The following TPO variants were observed in gnomAD, a reference collection of about 807,000 sequenced individuals.
TPO encodes thyroid peroxidase.
Under a neutral mutation model 96.9 loss-of-function variants are expected in TPO, and 78 were observed. That is an observed-to-expected ratio of 0.81 (90% CI 0.67 to 0.97). The LOEUF (loss-of-function observed/expected upper bound fraction) is 0.97. TPO is among the 50% of genes least tolerant of loss of function. TPO has a pLI of 0.00. For synonymous variants in TPO, 547 were observed against 538.0 expected (o/e 1.02, Z -0.23); for missense variants, 1,252 against 1,274.8 (o/e 0.98, Z 0.27).
At chr2:1,532,579 A>T (rs1573616488) in intron 15 of TPO, among the ~76,000 whole-genome samples, 1 of 90,298 alleles carries the variant, frequency 1.1e-5, no homozygotes, top group Non-Finnish European at 2.1e-5. Context: ...ACTGTGTGCG[A>T]CCTCCCCAAA....
intron 2 of TPO, 80 bp from the exon 3 acceptor site, chr2:1,422,965 G>T: frequency 1.3e-6 from 2 of 1,503,162 alleles, no homozygotes; most frequent in South Asian, 2.3e-5. Context: ...CAGCAAGATG[G>T]GCTTGAGGAA....
chr2:1,382,658 A>G (rs141457113), intron 1 of TPO, among the ~76,000 whole-genome samples: 160 of 152,314 alleles, frequency 1.1e-3, no homozygotes, highest in African/African-American at 3.7e-3. Flanking sequence ...GATTGTCACA[A>G]CCAGGAATTC....
chr2:1,399,050 T>C (rs1452628614), intron 1 of TPO, among the ~76,000 whole-genome samples: 1 of 152,220 alleles, frequency 6.6e-6, no homozygotes, highest in Non-Finnish European at 1.5e-5. Context: ...CTCTTCTGTT[T>C]CTTGGAGACC....
At chr2:1,388,857 C>T (rs4261760) in intron 1 of TPO, among the ~76,000 whole-genome samples, 7,677 of 152,148 alleles carry the variant, frequency 0.05, 264 homozygotes, top group Non-Finnish European at 0.072. Context: ...TGGAACTGCC[C>T]GACGTTAATC....
At chr2:1,456,379 C>T (rs528905843) in intron 7 of TPO, 97 bp downstream of exon 7, 1 of 1,325,628 alleles carries the variant, frequency 7.5e-7, no homozygotes, top group East Asian at 2.5e-5. Context: ...AAGTCTGTTT[C>T]TTTGTCCTAT....
At chr2:1,542,338 C>CCTTCTGTCTTGTAT in intron 16 of TPO, 83 bp from the exon 17 acceptor site, 1 of 1,566,392 alleles carries the variant, frequency 6.4e-7, no homozygotes, top group Non-Finnish European at 8.7e-7. Context: ...CTGTCCAGGC[C>CCTTCTGTCTTGTAT]CTTCTGTCTT....
chr2:1,477,147 C>A lies in TPO; in HGVS notation c.881C>A (p.Ala294Asp). 1.2e-6 allele frequency: 2 copies of A among 1,610,348 alleles called. No individual in the cohort carries two copies. The highest frequency in any genetic ancestry group is 1.1e-5 in the South Asian group (1 of 90,510). Residue 294 changes from alanine to aspartate, a missense_variant, in exon 8 of 17, where the codon GCC becomes GAC. By Grantham distance (126) the Ala-to-Asp change is moderately radical. Transcript: ENST00000329066. ...TACLPFYRSSAACGTGDQGAL... is the reference protein window; with the variant it reads ...TACLPFYRSSDACGTGDQGAL... ...TGTCTGCCCTTCTACCGCTCTTCGG[C>A]CGCCTGCGGCACCGGGGACCAAGGC... is the stretch of plus-strand genomic sequence containing the variant.
At chr2:1,377,835 C>T (rs968203555) in intron 1 of TPO, among the ~76,000 whole-genome samples, 1 of 152,192 alleles carries the variant, frequency 6.6e-6, no homozygotes, top group Admixed American at 6.5e-5. Context: ...TCACCCCCAG[C>T]TCCAGACTCA....
intron 7 of TPO, among the ~76,000 whole-genome samples, chr2:1,465,236 C>T (rs1668792756): frequency 6.6e-6 from 1 of 152,176 alleles, no homozygotes; most frequent in Non-Finnish European, 1.5e-5. Flanking sequence ...TCTGGGTTCT[C>T]TATTCTATTC....
At chr2:1,408,274 A>G (rs1447547013) in intron 1 of TPO, among the ~76,000 whole-genome samples, 3 of 152,214 alleles carry the variant, frequency 2.0e-5, no homozygotes, top group African/African-American at 7.2e-5. Context: ...TACTAAGTTA[A>G]TGACCGAAAT....
intron 8 of TPO, 129 bp downstream of exon 8, chr2:1,477,733 G>A: frequency 1.5e-6 from 2 of 1,373,580 alleles, no homozygotes; most frequent in African/African-American, 1.5e-5. Flanking sequence ...CCACATGGGT[G>A]AGCTCCAGGT....
intron 11 of TPO, 47 bp from the exon 12 acceptor site, chr2:1,495,942 G>A: frequency 6.3e-7 from 1 of 1,588,492 alleles, no homozygotes; most frequent in Non-Finnish European, 8.6e-7. Flanking sequence ...CCTGCCCTGG[G>A]GGTTCTCCAT....
Position 1,388,185 on chromosome 2 carries a change from C to T in TPO, n.180+13783C>T, listed in dbSNP as rs552127177. ...GACCCTCTTGAGGAGGCAGTCTGTC[C>T]GTTCTCAGATCACAAACTCCATGCT... is the stretch of plus-strand genomic sequence containing the variant. On this transcript the variant is annotated intron_variant and non_coding_transcript_variant, in intron 1 of 5. Coordinates refer to the TPO transcript ENST00000497517. 6.6e-5 allele frequency among the ~76,000 whole-genome samples: 10 copies of T among 152,334 alleles called. 1 individual carries two copies. The South Asian group carries it at 2.1e-3, about 32-fold the overall frequency.
chr2:1,533,375 ACCT>A (rs1361858511), intron 15 of TPO, among the ~76,000 whole-genome samples: 6 of 118,224 alleles, frequency 5.1e-5, no homozygotes, highest in East Asian at 2.7e-4. Context: ...ACTGTGTGCA[ACCT>A]CCTCAAATCC....
intron 10 of TPO, among the ~76,000 whole-genome samples, chr2:1,489,364 C>T (rs1220096748): frequency 3.9e-5 from 6 of 152,212 alleles, no homozygotes; most frequent in African/African-American, 2.4e-5. Flanking sequence ...GCTGCTGGCC[C>T]TGCTCAGGCC....
At chr2:1,439,060 T>G (rs1665897348) in intron 5 of TPO, 2 of 528,840 alleles carry the variant, frequency 3.8e-6, no homozygotes, top group African/African-American at 3.8e-5. Flanking sequence ...AAAAATGTAT[T>G]GTGCCTAAGT....
At chr2:1,404,281 G>C (rs1276667393) in intron 1 of TPO, among the ~76,000 whole-genome samples, 2 of 152,136 alleles carry the variant, frequency 1.3e-5, no homozygotes, top group African/African-American at 4.8e-5. Flanking sequence ...AGCCAATTGT[G>C]GTAATGCAGT....
intron 9 of TPO, among the ~76,000 whole-genome samples, chr2:1,485,724 T>C (rs1291318185): frequency 6.6e-6 from 1 of 152,122 alleles, no homozygotes; most frequent in Non-Finnish European, 1.5e-5. Flanking sequence ...TGTCTGTTCA[T>C]ATCCTTCGCC....
intron 10 of TPO, among the ~76,000 whole-genome samples, chr2:1,489,889 C>G (rs376160230): frequency 2.0e-5 from 3 of 152,256 alleles, no homozygotes; most frequent in South Asian, 2.1e-4. Flanking sequence ...CACGTTTGAG[C>G]GTTGGGGACG....
Sources: gnomAD v4.1 joint callset for allele counts (sites outside exome capture counted in the v4.1 genomes callset) on GRCh38, gnomAD v4.1.1 for gene constraint, MANE v1.5 for transcripts, NCBI Gene and HGNC (gene_info 2026-07-23, HGNC 2026-07-21) for gene names.